GABRG3: variants seen among roughly 807,000 people sequenced by gnomAD.
The protein encoded by GABRG3 is gamma-aminobutyric acid receptor subunit gamma-3.
GABRG3 carries 25 observed loss-of-function variants against 48.8 expected under a neutral mutation model. The ratio of observed to expected loss-of-function variants is 0.51; its 90% confidence interval spans 0.37 to 0.72. The LOEUF is 0.72. GABRG3 is among the 30% of genes least tolerant of loss of function. The pLI, the probability that GABRG3 is intolerant of heterozygous loss-of-function variation, is 0.00. For synonymous variants in GABRG3, 227 were observed against 217.6 expected, an observed-to-expected ratio of 1.04 and a Z score of -0.38; for missense variants, 394 against 577.9, an observed-to-expected ratio of 0.68 and a Z score of 3.26.
At chr15:26,993,467 A>T (rs1895284057) in intron 2 of GABRG3, among the ~76,000 whole-genome samples, 1 of 152,060 alleles carries the variant, frequency 6.6e-6, no homozygotes, top group Non-Finnish European at 1.5e-5. Context: ...TTGACCCACT[A>T]GTCTTTCAGG....
intron 5 of GABRG3, among the ~76,000 whole-genome samples, chr15:27,360,979 C>T (rs1183467272): frequency 6.6e-6 from 1 of 152,172 alleles, no homozygotes; most frequent in Non-Finnish European, 1.5e-5. Context: ...TGACTGGAGG[C>T]CTTAGTTTCC....
chr15:27,509,295 T>C (rs1367207470), intron 6 of GABRG3, among the ~76,000 whole-genome samples: 1 of 152,176 alleles, frequency 6.6e-6, no homozygotes, highest in Non-Finnish European at 1.5e-5. Context: ...TTTTCAGCAC[T>C]TTTAATATGA....
chr15:27,256,247 C>T (rs1377879583), intron 3 of GABRG3, among the ~76,000 whole-genome samples: 2 of 151,882 alleles, frequency 1.3e-5, no homozygotes, highest in Non-Finnish European at 2.9e-5. Context: ...TCAAGACCAT[C>T]CTGGCTAACA....
At chr15:27,244,099 G>C (rs957902239) in intron 3 of GABRG3, among the ~76,000 whole-genome samples, 2 of 152,112 alleles carry the variant, frequency 1.3e-5, no homozygotes, top group Non-Finnish European at 1.5e-5. Context: ...ACATTTAAGA[G>C]GTAAGGTTGA....
chr15:27,072,639 T>TC (rs1319749774), intron 3 of GABRG3, among the ~76,000 whole-genome samples: 2 of 152,292 alleles, frequency 1.3e-5, no homozygotes, highest in East Asian at 3.9e-4. Flanking sequence ...GCAGTGCGTC[T>TC]CCAAGCTGGC....
At chr15:27,370,848 C>T (rs1895386275) in intron 5 of GABRG3, among the ~76,000 whole-genome samples, 1 of 152,126 alleles carries the variant, frequency 6.6e-6, no homozygotes, top group Admixed American at 6.5e-5. Context: ...GTTGTTTTTC[C>T]AGCAGTGGCA....
rs1018892469 is a variant in GABRG3 at position 27,225,590 on chromosome 15, A to G, written c.271-101219A>G. ...GTTGTTCATTCCCTCTATGCTTCCC[A>G]CCTGCCTTCCACCCAGAGGGATGAA... is the stretch of plus-strand genomic sequence containing the variant. On this transcript the variant is annotated intron_variant, in intron 3 of 9. Transcript: ENST00000615808. Among the ~76,000 whole-genome samples, 9 of 152,166 alleles carry G rather than the reference A, an allele frequency of 5.9e-5. 1 individual carries two copies. Among genetic ancestry groups the G allele is most frequent in the African/African-American group, 2.2e-4 (9 of 41,478 alleles).
At chr15:27,343,351 T>C (rs1228583741) in intron 5 of GABRG3, among the ~76,000 whole-genome samples, 1 of 152,184 alleles carries the variant, frequency 6.6e-6, no homozygotes, top group Non-Finnish European at 1.5e-5. Flanking sequence ...ATGATAGAAA[T>C]GAGAAATCTG....
chr15:27,139,929 C>A (rs1898073859), intron 3 of GABRG3, among the ~76,000 whole-genome samples: 2 of 152,086 alleles, frequency 1.3e-5, no homozygotes, highest in African/African-American at 2.4e-5. Context: ...ATCAATCATA[C>A]CCACATAGTG....
At chr15:27,309,079 A>T (rs892471736) in intron 3 of GABRG3, among the ~76,000 whole-genome samples, 1 of 151,330 alleles carries the variant, frequency 6.6e-6, no homozygotes, top group Non-Finnish European at 1.5e-5. Flanking sequence ...AAACATGTTT[A>T]TATAGAAATA....
At chr15:27,093,337 G>A (rs567310894) in intron 3 of GABRG3, among the ~76,000 whole-genome samples, 2 of 152,280 alleles carry the variant, frequency 1.3e-5, no homozygotes, top group East Asian at 3.9e-4. Flanking sequence ...TTTCCCATCT[G>A]TGCAATGGGA....
At chr15:27,473,873 A>G (rs961853082) in intron 5 of GABRG3, among the ~76,000 whole-genome samples, 2 of 152,366 alleles carry the variant, frequency 1.3e-5, no homozygotes, top group African/African-American at 4.8e-5. Context: ...CAAGGCAACC[A>G]TGAAGTTAAC....
chr15:27,308,315 T>G (rs1015451311), intron 3 of GABRG3, among the ~76,000 whole-genome samples: 4 of 143,108 alleles, frequency 2.8e-5, no homozygotes, highest in Non-Finnish European at 6.1e-5. Flanking sequence ...TAAACATATA[T>G]AAACATACGT....
At chr15:27,416,363 G>A (rs1175232225) in intron 5 of GABRG3, among the ~76,000 whole-genome samples, 1 of 152,136 alleles carries the variant, frequency 6.6e-6, no homozygotes, top group Non-Finnish European at 1.5e-5. Flanking sequence ...GTGGGCTGGA[G>A]TTGAGTATTT....
At chr15:27,252,127 CG>C (rs1031339397) in intron 3 of GABRG3, among the ~76,000 whole-genome samples, 10 of 152,042 alleles carry the variant, frequency 6.6e-5, no homozygotes, top group Admixed American at 2.6e-4. Context: ...TTTGTGAAAT[CG>C]GGGGACACGA....
At chr15:27,384,029 C>T (rs922667177) in intron 5 of GABRG3, among the ~76,000 whole-genome samples, 10 of 152,128 alleles carry the variant, frequency 6.6e-5, no homozygotes, top group African/African-American at 2.4e-4. Flanking sequence ...ACAGACTTTC[C>T]ACAATAGATT....
chr15:27,255,194 C>G (rs770731466), intron 3 of GABRG3, among the ~76,000 whole-genome samples: 2 of 152,206 alleles, frequency 1.3e-5, no homozygotes, highest in Non-Finnish European at 2.9e-5. Flanking sequence ...GGCTCATCCT[C>G]AGGCAAACCT....
intron 3 of GABRG3, among the ~76,000 whole-genome samples, chr15:27,052,395 G>C (rs150669870): frequency 6.6e-6 from 1 of 152,226 alleles, no homozygotes; most frequent in Non-Finnish European, 1.5e-5. Flanking sequence ...GCCTCGGCGT[G>C]TGGCACAGGT....
At chr15:26,982,965 A>T (rs569683311) in intron 2 of GABRG3, among the ~76,000 whole-genome samples, 60 of 152,108 alleles carry the variant, frequency 3.9e-4, no homozygotes, top group Non-Finnish European at 7.8e-4. Flanking sequence ...TTAAATGCTA[A>T]ATCACGTATC....
Sources: allele counts gnomAD v4.1 joint callset (sites outside exome capture counted in the v4.1 genomes callset), GRCh38; gene constraint gnomAD v4.1.1; transcripts MANE v1.5; gene names NCBI Gene and HGNC (gene_info 2026-07-23, HGNC 2026-07-21).